The following DTNA variants were observed in gnomAD, a reference collection of about 807,000 sequenced individuals.
DTNA encodes the protein dystrophin-related protein 3.
A neutral mutation model predicts 100.7 loss-of-function variants in DTNA; 43 were observed. That is an observed-to-expected ratio of 0.43 (90% CI 0.33 to 0.55). The LOEUF (loss-of-function observed/expected upper bound fraction) is 0.55, where lower values mean the gene tolerates loss of function less well. Ranked by LOEUF, DTNA falls within the 20% of genes least tolerant of loss-of-function variation. The pLI, the probability that DTNA is intolerant of heterozygous loss-of-function variation, is 0.04. For synonymous variants in DTNA, 349 were observed against 347.9 expected, an observed-to-expected ratio of 1.00 and a Z score of -0.04; for missense variants, 798 against 953.9, an observed-to-expected ratio of 0.84 and a Z score of 2.15.
chr18:34,791,779 A>G (rs1248235904), intron 3 of DTNA, among the ~76,000 whole-genome samples: 1 of 152,192 alleles, frequency 6.6e-6, no homozygotes, highest in Non-Finnish European at 1.5e-5. Flanking sequence ...CATGACTCAC[A>G]TTATTTACTT....
intron 1 of DTNA, among the ~76,000 whole-genome samples, chr18:34,635,739 C>A (rs1010455324): frequency 6.6e-6 from 1 of 152,114 alleles, no homozygotes; most frequent in African/African-American, 2.4e-5. Context: ...TCTCACCAAT[C>A]TTTTATCTCA....
intron 1 of DTNA, among the ~76,000 whole-genome samples, chr18:34,495,419 A>G (rs2039082528): frequency 6.6e-6 from 1 of 152,210 alleles, no homozygotes; most frequent in Non-Finnish European, 1.5e-5. Flanking sequence ...TCAGCAAAGT[A>G]AATTATTATA....
At chr18:34,807,843 G>A (rs1272640169) in intron 5 of DTNA, among the ~76,000 whole-genome samples, 5 of 149,068 alleles carry the variant, frequency 3.4e-5, no homozygotes, top group African/African-American at 1.2e-4. Flanking sequence ...TGACACCGAG[G>A]GCTTTTTTTT....
chr18:34,872,058 G>T (rs1462436284), intron 17 of DTNA, among the ~76,000 whole-genome samples: 2 of 152,206 alleles, frequency 1.3e-5, no homozygotes, highest in Admixed American at 1.3e-4. Flanking sequence ...TCAGTCAACT[G>T]TTTTTCCCTT....
intron 10 of DTNA, among the ~76,000 whole-genome samples, chr18:34,828,790 A>G (rs1325378655): frequency 3.3e-5 from 5 of 152,186 alleles, no homozygotes; most frequent in African/African-American, 7.2e-5. Flanking sequence ...GTAAAATAAT[A>G]TGGTTTAGGC....
chr18:34,761,546 AAG>A (rs1401624783), intron 2 of DTNA, among the ~76,000 whole-genome samples: 3 of 152,108 alleles, frequency 2.0e-5, no homozygotes, highest in Non-Finnish European at 4.4e-5. Flanking sequence ...GAAGAGAAGA[AAG>A]AGAATCTTTT....
chr18:34,531,060 A>G (rs2043094465), intron 1 of DTNA, among the ~76,000 whole-genome samples: 1 of 152,122 alleles, frequency 6.6e-6, no homozygotes, highest in Non-Finnish European at 1.5e-5. Context: ...CACTGATGTG[A>G]GGTAGAGGTG....
chr18:34,726,221 A>G (rs753249697), intron 1 of DTNA, among the ~76,000 whole-genome samples: 1 of 152,184 alleles, frequency 6.6e-6, no homozygotes, highest in Non-Finnish European at 1.5e-5. Context: ...CATTGTGCAC[A>G]TATACCCCAG....
At chr18:34,672,371 A>G (rs932509243) in intron 1 of DTNA, among the ~76,000 whole-genome samples, 1 of 152,214 alleles carries the variant, frequency 6.6e-6, no homozygotes, top group Admixed American at 6.5e-5. Flanking sequence ...TTTTTTAAAA[A>G]GATACAAAAT....
At chr18:34,837,829 A>G (rs1327395419) in intron 11 of DTNA, among the ~76,000 whole-genome samples, 2 of 152,226 alleles carry the variant, frequency 1.3e-5, no homozygotes, top group Non-Finnish European at 2.9e-5. Flanking sequence ...ATGTCTAGAC[A>G]TACTCAATAT....
intron 1 of DTNA, among the ~76,000 whole-genome samples, chr18:34,559,524 A>C (rs2046440920): frequency 6.6e-6 from 1 of 152,242 alleles, no homozygotes; most frequent in African/African-American, 2.4e-5. Context: ...TAATACTACG[A>C]AGAGAACACG....
At chr18:34,773,419 A>G (rs1378121412) in intron 3 of DTNA, among the ~76,000 whole-genome samples, 1 of 152,226 alleles carries the variant, frequency 6.6e-6, no homozygotes, top group Non-Finnish European at 1.5e-5. Context: ...ATGTATTTAA[A>G]AGAGAGGGAT....
At chr18:34,555,439 G>C (rs866802272) in intron 1 of DTNA, among the ~76,000 whole-genome samples, 37 of 151,716 alleles carry the variant, frequency 2.4e-4, no homozygotes, top group African/African-American at 7.5e-4. Flanking sequence ...GTTTGCTCTT[G>C]CTTTTCTAGT....
At chr18:34,567,205 T>C (rs976961831) in intron 1 of DTNA, among the ~76,000 whole-genome samples, 1 of 152,220 alleles carries the variant, frequency 6.6e-6, no homozygotes, top group Admixed American at 6.5e-5. Flanking sequence ...ATGGTAAATT[T>C]GGGCATTTTA....
intron 16 of DTNA, among the ~76,000 whole-genome samples, chr18:34,861,485 C>CAAAAAAA (rs11329850): frequency 3.1e-4 from 24 of 77,968 alleles, no homozygotes; most frequent in Admixed American, 7.9e-4. Flanking sequence ...GACTCCGTCT[C>CAAAAAAA]AAAAAAAAAA....
chr18:34,629,597 A>G (rs2057802793), intron 1 of DTNA, among the ~76,000 whole-genome samples: 1 of 152,114 alleles, frequency 6.6e-6, no homozygotes, highest in South Asian at 2.1e-4. Flanking sequence ...GTAGTGAGAT[A>G]TTTTCAGGCA....
intron 3 of DTNA, among the ~76,000 whole-genome samples, chr18:34,779,674 C>T (rs1007623800): frequency 2.6e-5 from 4 of 152,158 alleles, no homozygotes; most frequent in Non-Finnish European, 5.9e-5. Context: ...GCCCCCTCCC[C>T]CAATAATAAC....
At chr18:34,769,740 TGACAGAG>T (rs2093670831) in intron 3 of DTNA, among the ~76,000 whole-genome samples, 1,341 of 117,834 alleles carry the variant, frequency 0.011, no homozygotes, top group East Asian at 0.019. Flanking sequence ...TTTTTTTTTT[TGACAGAG>T]TTTCACTCTT....
At chr18:34,835,811 A>G (rs2096128415) in intron 11 of DTNA, among the ~76,000 whole-genome samples, 1 of 152,146 alleles carries the variant, frequency 6.6e-6, no homozygotes, top group Non-Finnish European at 1.5e-5. Flanking sequence ...TCTTTTCTCT[A>G]CTGATTCTTG....
Sources: allele counts gnomAD v4.1 joint callset (sites outside exome capture counted in the v4.1 genomes callset), GRCh38; gene constraint gnomAD v4.1.1; transcripts MANE v1.5; gene names NCBI Gene and HGNC (gene_info 2026-07-23, HGNC 2026-07-21).